The following DENND5B variants were observed in gnomAD, a reference collection of about 807,000 sequenced individuals.
DENND5B encodes DENN domain containing 5B.
A neutral mutation model predicts 140.6 loss-of-function variants in DENND5B; 34 were observed. The observed-to-expected ratio is 0.24, with a 90% CI of 0.18 to 0.32. The LOEUF (loss-of-function observed/expected upper bound fraction) is 0.32, where lower values mean the gene tolerates loss of function less well. Ranked by LOEUF, DENND5B falls within the 10% of genes least tolerant of loss-of-function variation. The pLI, the probability that DENND5B is intolerant of heterozygous loss-of-function variation, is 1.00. For missense variants in DENND5B, 1,142 were observed against 1,560.2 expected, an observed-to-expected ratio of 0.73 and a Z score of 4.52; for synonymous variants, 551 against 562.1, an observed-to-expected ratio of 0.98 and a Z score of 0.28.
At chr12:31,555,397 C>T (rs1422183587) in intron 1 of DENND5B, among the ~76,000 whole-genome samples, 1 of 152,170 alleles carries the variant, frequency 6.6e-6, no homozygotes, top group African/African-American at 2.4e-5. Flanking sequence ...ATGCTGCTGC[C>T]TGATCGTTCT....
intron 12 of DENND5B, 26 bp from the exon 13 acceptor site, chr12:31,413,590 A>G (rs768799547): frequency 6.2e-7 from 1 of 1,601,480 alleles, no homozygotes; most frequent in East Asian, 2.2e-5. Flanking sequence ...AACAGCAAAG[A>G]TGTAGATTTT....
chr12:31,569,004 C>T (rs1303392857), intron 1 of DENND5B, among the ~76,000 whole-genome samples: 1 of 151,602 alleles, frequency 6.6e-6, no homozygotes, highest in Non-Finnish European at 1.5e-5. Flanking sequence ...CCCACCTTAG[C>T]CTCCCAGGTA....
intron 2 of DENND5B, among the ~76,000 whole-genome samples, chr12:31,492,860 C>T (rs187022665): frequency 1.3e-5 from 2 of 152,242 alleles, no homozygotes; most frequent in South Asian, 2.1e-4. Flanking sequence ...CCAAAGATGA[C>T]GCTAGGCATC....
intron 1 of DENND5B, among the ~76,000 whole-genome samples, chr12:31,510,970 C>T (rs1428117367): frequency 1.3e-5 from 2 of 152,278 alleles, no homozygotes; most frequent in East Asian, 1.9e-4. Context: ...GTGGCTCATG[C>T]CTGTAATCCT....
rs117531018 is a variant in DENND5B at position 31,569,094 on chromosome 12, T to C, written c.127+21612A>G. On this transcript the variant is annotated intron_variant, in intron 1 of 20. Coordinates refer to ENST00000389082, the MANE Select transcript of DENND5B (RefSeq NM_144973.4). ...TTTTTTTTTTTTTTTGAGACGAGGG[T>C]CTTACTGTGTCACCCAGGCTGGAGT... 3.8e-3 allele frequency among the ~76,000 whole-genome samples: 429 copies of C among 111,770 alleles called. 9 individuals carry two copies. The highest frequency in any genetic ancestry group is 8.7e-3 in the East Asian group (35 of 4,038). The allele number at this position is 111,770 out of a possible 152,430, so 73.3% of individuals were successfully genotyped here.
intron 7 of DENND5B, among the ~76,000 whole-genome samples, chr12:31,437,024 G>C (rs937635734): frequency 6.6e-6 from 1 of 152,022 alleles, no homozygotes; most frequent in Non-Finnish European, 1.5e-5. Flanking sequence ...CTCAATTATA[G>C]TATCTATCAC....
intron 1 of DENND5B, among the ~76,000 whole-genome samples, chr12:31,576,237 A>C (rs1227001317): frequency 6.6e-6 from 1 of 151,768 alleles, no homozygotes; most frequent in East Asian, 1.9e-4. Context: ...GGATCATTTG[A>C]GGTCAGGAGT....
chr12:31,516,335 C>T (rs1150948), intron 1 of DENND5B, among the ~76,000 whole-genome samples: 1 of 151,736 alleles, frequency 6.6e-6, no homozygotes, highest in Non-Finnish European at 1.5e-5. Flanking sequence ...AATTAGACAG[C>T]TGTGGTGGTG....
At chr12:31,589,311 T>C (rs762187081) in intron 1 of DENND5B, among the ~76,000 whole-genome samples, 34 of 152,222 alleles carry the variant, frequency 2.2e-4, no homozygotes, top group Non-Finnish European at 4.1e-4. Flanking sequence ...AACATGTACA[T>C]GAAATCTTAG....
chr12:31,466,449 C>T (rs2682686), intron 3 of DENND5B, among the ~76,000 whole-genome samples: 122,515 of 152,104 alleles, frequency 0.81, 49,736 homozygotes, highest in African/African-American at 0.89. Flanking sequence ...TCCCAGCACT[C>T]TGGGAGGCCA....
chr12:31,494,138 TTCTATCTATCTATCTA>T (rs58109707), intron 2 of DENND5B, among the ~76,000 whole-genome samples: 54 of 139,856 alleles, frequency 3.9e-4, no homozygotes, highest in Middle Eastern at 3.5e-3. Flanking sequence ...TCTCTCTATC[TTCTATCTATCTATCTA>T]TCTATCTATC....
intron 1 of DENND5B, among the ~76,000 whole-genome samples, chr12:31,545,585 A>G (rs945270929): frequency 6.6e-6 from 1 of 152,220 alleles, no homozygotes; most frequent in Non-Finnish European, 1.5e-5. Context: ...CAGCCTCTAA[A>G]ATGTATGTAG....
intron 1 of DENND5B, among the ~76,000 whole-genome samples, chr12:31,518,315 T>C (rs1437592433): frequency 6.6e-6 from 1 of 152,242 alleles, no homozygotes; most frequent in African/African-American, 2.4e-5. Flanking sequence ...CCCTCTCTCA[T>C]TGTTTACATT....
chr12:31,537,799 C>T, intron 1 of DENND5B, among the ~76,000 whole-genome samples: 1 of 152,018 alleles, frequency 6.6e-6, no homozygotes, highest in Non-Finnish European at 1.5e-5. Context: ...AAACACATTC[C>T]ATGACAATGG....
intron 1 of DENND5B, among the ~76,000 whole-genome samples, chr12:31,586,937 C>G (rs1194699996): frequency 6.6e-6 from 1 of 152,210 alleles, no homozygotes; most frequent in African/African-American, 2.4e-5. Context: ...AACACAGTTT[C>G]ATGATCCCCA....
At chr12:31,455,991 C>A (rs546038736) in intron 4 of DENND5B, among the ~76,000 whole-genome samples, 11 of 152,066 alleles carry the variant, frequency 7.2e-5, no homozygotes, top group African/African-American at 2.7e-4. Context: ...TGCACTCCAG[C>A]CCAGGCGACA....
intron 9 of DENND5B, among the ~76,000 whole-genome samples, chr12:31,425,600 T>C (rs1392326293): frequency 3.3e-5 from 5 of 152,324 alleles, no homozygotes; most frequent in East Asian, 1.9e-4. Context: ...ATCAGTTTCA[T>C]GTAAGTTAAT....
At chr12:31,506,801 T>C (rs1947220295) in intron 1 of DENND5B, among the ~76,000 whole-genome samples, 2 of 152,196 alleles carry the variant, frequency 1.3e-5, no homozygotes, top group Non-Finnish European at 2.9e-5. Context: ...AAGGAGAGAA[T>C]GCAGAGTTTC....
intron 1 of DENND5B, among the ~76,000 whole-genome samples, chr12:31,544,068 G>A (rs931090783): frequency 4.6e-5 from 7 of 152,128 alleles, no homozygotes; most frequent in African/African-American, 1.7e-4. Context: ...GGAGGCTGAG[G>A]CACAAGAATC....
Sources: allele counts gnomAD v4.1 joint callset (sites outside exome capture counted in the v4.1 genomes callset), GRCh38; gene constraint gnomAD v4.1.1; transcripts MANE v1.5; gene names NCBI Gene and HGNC (gene_info 2026-07-23, HGNC 2026-07-21).